ABTB3: variants seen among roughly 807,000 people sequenced by gnomAD.
The protein encoded by ABTB3 is ankyrin repeat- and BTB/POZ domain-containing protein 3.
the ABTB3 span, among the ~76,000 whole-genome samples, chr12:107,440,195 G>A: frequency 6.6e-6 from 1 of 152,186 alleles, no homozygotes; most frequent in Non-Finnish European, 1.5e-5. Context: ...GTGTGGGTCC[G>A]TGACATAGAC....
At chr12:107,646,094 C>T in the ABTB3 span, among the ~76,000 whole-genome samples, 1 of 152,234 alleles carries the variant, frequency 6.6e-6, no homozygotes, top group Non-Finnish European at 1.5e-5. Context: ...CGGCAAGGGC[C>T]GGACGCAGCT....
At chr12:107,365,451 C>A in the ABTB3 span, among the ~76,000 whole-genome samples, 46 of 152,194 alleles carry the variant, frequency 3.0e-4, no homozygotes, top group African/African-American at 1.1e-3. Flanking sequence ...CCTTTTTTCT[C>A]TATCAACTTC....
the ABTB3 span, among the ~76,000 whole-genome samples, chr12:107,406,108 C>T: frequency 4.6e-5 from 7 of 152,330 alleles, no homozygotes; most frequent in African/African-American, 1.7e-4. Context: ...CTGGGTATCA[C>T]TTTCCTCATC....
the ABTB3 span, among the ~76,000 whole-genome samples, chr12:107,433,577 G>A: frequency 1.3e-5 from 2 of 152,112 alleles, no homozygotes; most frequent in African/African-American, 4.8e-5. Context: ...TGTCAGGTAT[G>A]TTCTCCTCTC....
At chr12:107,370,708 C>G in the ABTB3 span, among the ~76,000 whole-genome samples, 1 of 149,528 alleles carries the variant, frequency 6.7e-6, no homozygotes, top group African/African-American at 2.5e-5. Flanking sequence ...AAAGGCCATG[C>G]AAAGCCAGCT....
chr12:107,635,335 G>C, the ABTB3 span: 9 of 1,613,856 alleles, frequency 5.6e-6, no homozygotes, highest in Non-Finnish European at 5.9e-6. Context: ...ACTGCTACGG[G>C]CCCTACCCCA....
the ABTB3 span, among the ~76,000 whole-genome samples, chr12:107,366,132 C>A: frequency 6.6e-6 from 1 of 152,188 alleles, no homozygotes; most frequent in African/African-American, 2.4e-5. Context: ...CCACACCCTG[C>A]CTTCCCAGCT....
the ABTB3 span, among the ~76,000 whole-genome samples, chr12:107,465,049 G>A: frequency 1.3e-5 from 2 of 152,136 alleles, no homozygotes; most frequent in African/African-American, 4.8e-5. Flanking sequence ...GAGTAGGAGG[G>A]GAGAGTGTTA....
chr12:107,337,974 A>G, the ABTB3 span, among the ~76,000 whole-genome samples: 1 of 152,320 alleles, frequency 6.6e-6, no homozygotes, highest in South Asian at 2.1e-4. Context: ...TTCAGTGCCT[A>G]GGAGTGCCAG....
the ABTB3 span, among the ~76,000 whole-genome samples, chr12:107,656,230 G>T: frequency 6.6e-6 from 1 of 151,904 alleles, no homozygotes. Flanking sequence ...GAGCCCAGGA[G>T]GTCAAGGCTG....
chr12:107,503,878 G>A, the ABTB3 span, among the ~76,000 whole-genome samples: 1 of 152,098 alleles, frequency 6.6e-6, no homozygotes, highest in East Asian at 1.9e-4. Context: ...GGGGTGGAAG[G>A]GGTGATAATA....
At chr12:107,473,866 A>C in the ABTB3 span, among the ~76,000 whole-genome samples, 1 of 146,924 alleles carries the variant, frequency 6.8e-6, no homozygotes, top group African/African-American at 2.5e-5. Flanking sequence ...CAGTGGCGTG[A>C]TCTCAGCTCT....
At chr12:107,508,444 T>TTTTTTTGTTG in the ABTB3 span, among the ~76,000 whole-genome samples, 1 of 76,884 alleles carries the variant, frequency 1.3e-5, no homozygotes, top group African/African-American at 5.7e-5. Flanking sequence ...ATTTCTTTTT[T>TTTTTTTGTTG]TTTTTTTTTT....
chr12:107,488,564 C>G, the ABTB3 span, among the ~76,000 whole-genome samples: 1 of 151,946 alleles, frequency 6.6e-6, no homozygotes, highest in Non-Finnish European at 1.5e-5. Flanking sequence ...CATAAGCCAT[C>G]ACTAAACACT....
chr12:107,364,759 A>G, the ABTB3 span, among the ~76,000 whole-genome samples: 3 of 152,188 alleles, frequency 2.0e-5, no homozygotes, highest in Admixed American at 6.5e-5. Context: ...GTCTGTCACC[A>G]TATGTCTAGT....
chr12:107,609,512 C>T, the ABTB3 span, among the ~76,000 whole-genome samples: 472 of 152,308 alleles, frequency 3.1e-3, no homozygotes, highest in Admixed American at 6.5e-3. Flanking sequence ...CTCTGTCCTG[C>T]GACTGCGACT....
the ABTB3 span, among the ~76,000 whole-genome samples, chr12:107,608,479 A>G: frequency 6.6e-6 from 1 of 152,088 alleles, no homozygotes; most frequent in Non-Finnish European, 1.5e-5. Flanking sequence ...TGAAACCTCC[A>G]TGTTTACCCT....
the ABTB3 span, among the ~76,000 whole-genome samples, chr12:107,621,738 A>C: frequency 1.3e-5 from 2 of 152,166 alleles, no homozygotes; most frequent in Non-Finnish European, 2.9e-5. Context: ...CTCCACTGCT[A>C]TCCTCCAAAG....
At chr12:107,649,457 C>T in the ABTB3 span, 7 of 602,690 alleles carry the variant, frequency 1.2e-5, no homozygotes, top group East Asian at 1.1e-4. Flanking sequence ...GGAAGGGCTT[C>T]TCATCAGAGA....
Sources: gnomAD v4.1 joint callset for allele counts (sites outside exome capture counted in the v4.1 genomes callset) on GRCh38, gnomAD v4.1.1 for gene constraint, MANE v1.5 for transcripts, NCBI Gene and HGNC (gene_info 2026-07-23, HGNC 2026-07-21) for gene names.